The following HMCN1 variants were observed in gnomAD, a reference collection of about 807,000 sequenced individuals.
HMCN1 encodes the protein hemicentin-1.
Under a neutral mutation model 625.9 loss-of-function variants are expected in HMCN1, and 321 were observed. That is an observed-to-expected ratio of 0.51 (90% CI 0.47 to 0.56). The LOEUF is 0.56. Among genes scored for constraint, HMCN1 ranks in the 20% least tolerant of loss-of-function variants. The probability of loss-of-function intolerance (pLI) is 0.00; values close to 1 mark genes in which losing one functional copy is unlikely to be tolerated. For missense variants in HMCN1, 6,588 were observed against 6,887.3 expected (o/e 0.96, Z 1.54); for synonymous variants, 2,425 against 2,417.6 (o/e 1.00, Z -0.09).
At position 186,088,197 on chromosome 1, in the gene HMCN1, C is replaced by G; in HGVS notation, c.9498C>G (p.Ser3166Arg). The change falls in exon 62 of 107, where the codon AGC (serine) becomes AGG (arginine). Residue 3166 changes from serine (S) to arginine (R), a missense_variant. Around this residue, in one of 3 missense-constraint regions of HMCN1, gnomAD observed 4,628 missense variants for 4,853.1 expected, o/e 0.95. Coordinates refer to ENST00000271588, the MANE Select transcript of HMCN1 (RefSeq NM_031935.3). ...PEREVIVETISNPVTLTCDAT... is the reference protein window; with the variant it reads ...PEREVIVETIRNPVTLTCDAT... ...GAGAAGTGATTGTGGAGACGATCAG[C>G]AATCCTGTGACATTAACATGTGATG... The G allele has an allele frequency of 6.2e-7, 1 of 1,612,700 alleles. No individual in the cohort carries two copies. The highest frequency in any genetic ancestry group is 8.5e-7 in the Non-Finnish European group (1 of 1,179,268).
chr1:186,166,876 TC>T lies in HMCN1; in HGVS notation c.15509del (p.Ser5170PhefsTer19). On this transcript the variant is annotated frameshift_variant, in exon 100 of 107. Transcript: ENST00000271588. LOFTEE classifies it high-confidence loss of function. ...TCAGGACTGTGACAATACGATTGGA[TC>T]TTATCGCTGTGTGGTCCGTTGTGGA... Reference protein sequence around the residue: ...AGQDCDNTIGSYRCVVRCGSG... With the variant: ...AGQDCDNTIGXYRCVVRCGSG... The T allele has an allele frequency of 6.2e-7, 1 of 1,614,168 alleles. No individual in the cohort carries two copies. Among genetic ancestry groups the T allele is most frequent in the South Asian group, 1.1e-5 (1 of 91,076 alleles).
chr1:185,917,486 G>T (rs985200595), intron 6 of HMCN1, among the ~76,000 whole-genome samples: 1 of 152,178 alleles, frequency 6.6e-6, no homozygotes, highest in Admixed American at 6.5e-5. Flanking sequence ...GGACATAACA[G>T]GGTTTTAAGA....
In HMCN1 at chr1:185,977,947, C is replaced by T. The variant is rs531132517; in HGVS notation, c.2532C>T (p.Ile844=). The change falls in exon 16 of 107, where the codon ATC becomes ATT. Residue 844 remains isoleucine (I), a synonymous_variant. Coordinates refer to ENST00000271588, the MANE Select transcript of HMCN1 (RefSeq NM_031935.3). ...IFSRPFSVSS[I]SQLRTGALFI... ...CAAGACCTTTTTCAGTTAGTTCCATCAGCCAACTAAGAACAGGAGCTCTCT... is the reference window on the plus strand; with the variant it reads ...CAAGACCTTTTTCAGTTAGTTCCATTAGCCAACTAAGAACAGGAGCTCTCT... The T allele has an allele frequency of 3.7e-6, 6 of 1,613,114 alleles. No homozygotes were observed. In the African/African-American group the frequency reaches 8.0e-5, roughly 22 times the overall value.
chr1:186,177,261 A>AT (rs1437602259), intron 103 of HMCN1: 4 of 151,172 alleles, frequency 2.6e-5, no homozygotes, highest in Non-Finnish European at 5.9e-5. Context: ...GGCCGAGATC[A>AT]TGCCACTGCA....
At chr1:186,001,166 T>C in intron 26 of HMCN1, 132 bp from the exon 27 acceptor site, 3 of 747,662 alleles carry the variant, frequency 4.0e-6, no homozygotes, top group Non-Finnish European at 4.4e-6. Flanking sequence ...TAACAAAGCA[T>C]ATGCTTAAAT....
chr1:185,999,797 G>A (rs1362155748), intron 25 of HMCN1, among the ~76,000 whole-genome samples: 2 of 152,000 alleles, frequency 1.3e-5, no homozygotes, highest in African/African-American at 2.4e-5. Flanking sequence ...ACTATCATCT[G>A]AATGTTTAGA....
chr1:186,047,930 C>T (rs1432795139), intron 41 of HMCN1, among the ~76,000 whole-genome samples: 4 of 152,234 alleles, frequency 2.6e-5, no homozygotes, highest in Admixed American at 2.6e-4. Flanking sequence ...ATCACTCTAA[C>T]TTCAGTGATC....
At chr1:185,837,532 A>C (rs901684503) in intron 1 of HMCN1, among the ~76,000 whole-genome samples, 3 of 151,874 alleles carry the variant, frequency 2.0e-5, no homozygotes, top group African/African-American at 7.3e-5. Context: ...TCAGATTTTA[A>C]TTTTTATTTA....
At chr1:185,939,635 T>G (rs1424326956) in intron 11 of HMCN1, among the ~76,000 whole-genome samples, 1 of 152,200 alleles carries the variant, frequency 6.6e-6, no homozygotes, top group African/African-American at 2.4e-5. Context: ...ATTTTTAAAC[T>G]TTGTGTAAAT....
At chr1:186,161,411 T>C (rs1488743275) in intron 97 of HMCN1, among the ~76,000 whole-genome samples, 2 of 152,080 alleles carry the variant, frequency 1.3e-5, no homozygotes, top group Non-Finnish European at 2.9e-5. Context: ...GAGCATTTAG[T>C]CCATTTACAT....
Position 185,995,061 on chromosome 1 carries a change from A to T in HMCN1, c.3752A>T (p.Glu1251Val). The change falls in exon 24 of 107, where the codon GAA (glutamate) becomes GTA (valine). Residue 1251 changes from glutamate (E) to valine (V), a missense_variant. This residue lies in a region of HMCN1 where 4,628 missense variants were observed against 4,853.1 expected (regional missense o/e 0.95). Transcript: ENST00000271588. ...CVATNIAGTD[E>V]TEITLHVQEP... ...GCTACTAACATAGCAGGCACTGATG[A>T]AACAGAGATAACGCTACATGTCCAA... is the stretch of plus-strand genomic sequence containing the variant. 5 of 1,613,794 alleles carry T rather than the reference A, an allele frequency of 3.1e-6. No homozygotes were observed. Among genetic ancestry groups the T allele is most frequent in the Non-Finnish European group, 4.2e-6 (5 of 1,179,736 alleles).
At chr1:185,772,860 G>A (rs988243178) in intron 1 of HMCN1, among the ~76,000 whole-genome samples, 1 of 152,148 alleles carries the variant, frequency 6.6e-6, no homozygotes, top group African/African-American at 2.4e-5. Context: ...GGTAGAAGGT[G>A]GAAGTGCCCA....
At chr1:186,070,550 C>A in intron 51 of HMCN1, 62 bp from the exon 52 acceptor site, 1 of 1,391,028 alleles carries the variant, frequency 7.2e-7, no homozygotes, top group South Asian at 1.2e-5. Flanking sequence ...AGTGTGATTT[C>A]TGTGGTATTC....
rs1209423291 is a variant in HMCN1 at position 186,164,622 on chromosome 1, G to C, written c.15257-489G>C. Among the ~76,000 whole-genome samples, 6 of 152,270 alleles carry C rather than the reference G, an allele frequency of 3.9e-5. No individual in the cohort carries two copies. In the South Asian group the frequency reaches 1.2e-3, roughly 32 times the overall value. ...AAAAGGAAAACACTTGGTCACACGT[G>C]GGGGATTTTGACCCAAATGCTCAAT... On this transcript the variant is annotated intron_variant, in intron 97 of 106. Coordinates refer to ENST00000271588, the MANE Select transcript of HMCN1 (RefSeq NM_031935.3).
intron 40 of HMCN1, among the ~76,000 whole-genome samples, chr1:186,045,043 G>T (rs1447591816): frequency 6.6e-6 from 1 of 152,020 alleles, no homozygotes; most frequent in Non-Finnish European, 1.5e-5. Flanking sequence ...ATGTAATTGT[G>T]AGTACGTTGT....
chr1:186,045,928 T>TGAA, intron 41 of HMCN1, 65 bp downstream of exon 41: 1 of 1,161,998 alleles, frequency 8.6e-7, no homozygotes, highest in Non-Finnish European at 1.3e-6. Context: ...GGTATTACCC[T>TGAA]ATTTAGCGTG....
chr1:185,912,174 G>A (rs997984047), intron 6 of HMCN1, among the ~76,000 whole-genome samples: 1 of 152,154 alleles, frequency 6.6e-6, no homozygotes, highest in African/African-American at 2.4e-5. Flanking sequence ...CGGCTGCACT[G>A]CCTGGGGAGC....
chr1:186,154,258 G>A (rs1362561872), intron 97 of HMCN1, among the ~76,000 whole-genome samples: 1 of 152,148 alleles, frequency 6.6e-6, no homozygotes, highest in East Asian at 1.9e-4. Context: ...AACATATAAT[G>A]TGGCGGGGCG....
At chr1:185,958,108 G>T (rs1377761361) in intron 11 of HMCN1, among the ~76,000 whole-genome samples, 3 of 151,354 alleles carry the variant, frequency 2.0e-5, no homozygotes, top group African/African-American at 7.3e-5. Flanking sequence ...TTTGAGAAAG[G>T]GTCTTGTTCA....
Sources: gnomAD v4.1 joint callset for allele counts (sites outside exome capture counted in the v4.1 genomes callset) on GRCh38, gnomAD v4.1.1 for gene constraint, gnomAD v4.1.1 regional missense constraint, MANE v1.5 for transcripts, NCBI Gene and HGNC (gene_info 2026-07-23, HGNC 2026-07-21) for gene names.